The following RSPH14 variants were observed in gnomAD, a reference collection of about 807,000 sequenced individuals.
RSPH14 encodes the protein rhabdoid tumor deletion region gene 1.
RSPH14 carries 20 observed loss-of-function variants against 26.7 expected under a neutral mutation model. That is an observed-to-expected ratio of 0.75 (90% confidence interval 0.53 to 1.09). RSPH14 has a LOEUF of 1.09. RSPH14 is among the 50% of genes least tolerant of loss of function. The probability of loss-of-function intolerance (pLI) is 0.00; values close to 1 mark genes in which losing one functional copy is unlikely to be tolerated. For synonymous variants in RSPH14, 177 were observed against 189.3 expected (o/e 0.93, Z 0.53); for missense variants, 449 against 457.2 (o/e 0.98, Z 0.16).
chr22:23,083,360 G>A (rs886948874), intron 4 of RSPH14, among the ~76,000 whole-genome samples: 2 of 152,112 alleles, frequency 1.3e-5, no homozygotes, highest in Admixed American at 6.5e-5. Flanking sequence ...GGTCAGCAGC[G>A]ACCTCAGGTC....
chr22:23,120,326 G>T (rs771456249), intron 4 of RSPH14, among the ~76,000 whole-genome samples: 5 of 152,080 alleles, frequency 3.3e-5, no homozygotes, highest in Admixed American at 3.3e-4. Context: ...GTTTCATGGC[G>T]TTGGACAAGA....
chr22:23,180,252 GT>G, the RSPH14 span: 1 of 201,014 alleles, frequency 5.0e-6, no homozygotes, highest in South Asian at 1.7e-4. Flanking sequence ...TATTGGAAAG[GT>G]CTTTATGGAC....
chr22:23,167,697 TTTTTAATTA>T, the RSPH14 span, among the ~76,000 whole-genome samples: 4 of 151,334 alleles, frequency 2.6e-5, no homozygotes, highest in East Asian at 7.7e-4. Context: ...ATTAACTCTT[TTTTTAATTA>T]ATTTATTTTT....
intron 4 of RSPH14, among the ~76,000 whole-genome samples, chr22:23,076,816 A>G (rs2068517640): frequency 6.6e-6 from 1 of 152,236 alleles, no homozygotes; most frequent in African/African-American, 2.4e-5. Context: ...CTGTGCCCCA[A>G]GATCAAGGAG....
chr22:23,121,517 G>A (rs2070023549), intron 4 of RSPH14, among the ~76,000 whole-genome samples: 1 of 152,178 alleles, frequency 6.6e-6, no homozygotes, highest in Non-Finnish European at 1.5e-5. Flanking sequence ...CTGCCTCTCT[G>A]TGCCTCAGTT....
At chr22:23,094,882 A>G (rs1009151186) in intron 4 of RSPH14, among the ~76,000 whole-genome samples, 16 of 152,238 alleles carry the variant, frequency 1.1e-4, no homozygotes, top group Non-Finnish European at 2.2e-4. Flanking sequence ...GCTGAGCTCT[A>G]TCAGTGCTGT....
intron 1 of RSPH14, among the ~76,000 whole-genome samples, chr22:23,140,996 A>G (rs2070589280): frequency 6.6e-6 from 1 of 152,186 alleles, no homozygotes; most frequent in African/African-American, 2.4e-5. Context: ...ACCCATATTC[A>G]GATGCTTCTG....
intron 4 of RSPH14, among the ~76,000 whole-genome samples, chr22:23,110,293 C>T (rs2069608673): frequency 6.6e-6 from 1 of 152,128 alleles, no homozygotes; most frequent in South Asian, 2.1e-4. Flanking sequence ...CTCTCACAGT[C>T]ACTTCTCGGA....
At chr22:23,172,174 G>A in the RSPH14 span, among the ~76,000 whole-genome samples, 1 of 152,280 alleles carries the variant, frequency 6.6e-6, no homozygotes, top group East Asian at 1.9e-4. Flanking sequence ...GCATTTATCA[G>A]TACAATATTT....
At chr22:23,161,017 G>T in the RSPH14 span, 1 of 1,586,344 alleles carries the variant, frequency 6.3e-7, no homozygotes, top group South Asian at 1.1e-5. Context: ...AGGTGTGACT[G>T]GGTTGGGCTG....
At chr22:23,174,461 C>A in the RSPH14 span, among the ~76,000 whole-genome samples, 1 of 151,980 alleles carries the variant, frequency 6.6e-6, no homozygotes, top group Admixed American at 6.6e-5. Flanking sequence ...ACTCAGAGAA[C>A]AAGGGAAATT....
At chr22:23,158,859 G>A in the RSPH14 span, 1 of 1,581,552 alleles carries the variant, frequency 6.3e-7, no homozygotes, top group Non-Finnish European at 8.7e-7. Flanking sequence ...TGGGGTGGGA[G>A]GATGGGTGAA....
chr22:23,081,655 C>A (rs1236917702), intron 4 of RSPH14, among the ~76,000 whole-genome samples: 1 of 151,748 alleles, frequency 6.6e-6, no homozygotes, highest in Non-Finnish European at 1.5e-5. Flanking sequence ...AACCCTGTCT[C>A]TACTAAAAAT....
At chr22:23,141,716 T>C (rs1894802138) in intron 1 of RSPH14, among the ~76,000 whole-genome samples, 1 of 152,080 alleles carries the variant, frequency 6.6e-6, no homozygotes, top group South Asian at 2.1e-4. Flanking sequence ...ACGGTAGAAG[T>C]GGGGGCCGGA....
upstream of RSPH14, chr22:23,142,071 G>A (rs896330362): frequency 2.0e-5 from 20 of 982,186 alleles, no homozygotes; most frequent in South Asian, 4.7e-5. Flanking sequence ...GACATAATCA[G>A]CACCCACTGC....
intron 4 of RSPH14, among the ~76,000 whole-genome samples, chr22:23,113,799 G>A (rs568879575): frequency 4.4e-4 from 67 of 152,368 alleles, no homozygotes; most frequent in African/African-American, 1.5e-3. Flanking sequence ...GGCCCAGGCA[G>A]GTTGCAGAGG....
At chr22:23,165,080 G>A in the RSPH14 span, among the ~76,000 whole-genome samples, 1 of 152,170 alleles carries the variant, frequency 6.6e-6, no homozygotes, top group Non-Finnish European at 1.5e-5. Context: ...TCACATCTGG[G>A]CTTTCTCCCC....
chr22:23,107,679 G>T (rs1221895135), intron 4 of RSPH14, among the ~76,000 whole-genome samples: 1 of 152,184 alleles, frequency 6.6e-6, no homozygotes, highest in Non-Finnish European at 1.5e-5. Flanking sequence ...CCAAGGGAGC[G>T]CAGCAGTGGA....
At chr22:23,131,695 G>A in intron 4 of RSPH14, 2 of 1,256,412 alleles carry the variant, frequency 1.6e-6, no homozygotes, top group Non-Finnish European at 2.1e-6. Context: ...GTGAGCACAG[G>A]GCATTAATTT....
Sources: allele counts gnomAD v4.1 joint callset (sites outside exome capture counted in the v4.1 genomes callset), GRCh38; gene constraint gnomAD v4.1.1; transcripts MANE v1.5; gene names NCBI Gene and HGNC (gene_info 2026-07-23, HGNC 2026-07-21).